Variants in SLC25A3 observed in about 807,000 individuals in gnomAD.
The protein encoded by SLC25A3 is phosphate transport protein.
SLC25A3 carries 14 observed loss-of-function variants against 37.1 expected under a neutral mutation model. The observed-to-expected ratio is 0.38, with a 90% confidence interval of 0.25 to 0.59. The LOEUF is 0.59. Among genes scored for constraint, SLC25A3 ranks in the 20% least tolerant of loss-of-function variants. The probability of loss-of-function intolerance (pLI) is 0.67; values close to 1 mark genes in which losing one functional copy is unlikely to be tolerated. For missense variants in SLC25A3, 385 were observed against 458.1 expected, an observed-to-expected ratio of 0.84 and a Z score of 1.46; for synonymous variants, 161 against 168.7, an observed-to-expected ratio of 0.95 and a Z score of 0.36.
At chr12:98,597,569 G>A (rs2097594030) in intron 3 of SLC25A3, 4 of 370,836 alleles carry the variant, frequency 1.1e-5, no homozygotes, top group Non-Finnish European at 1.5e-5. Context: ...GATTACAGGT[G>A]CACGCCACCA....
chr12:98,597,609 A>C (rs2097594074), intron 3 of SLC25A3: 2 of 445,732 alleles, frequency 4.5e-6, no homozygotes, highest in African/African-American at 4.0e-5. Flanking sequence ...ATTTTAGTAG[A>C]GATGGGGTTT....
In SLC25A3 at chr12:98,594,396, G is replaced by A. The variant is rs765387998; in HGVS notation, c.157+261G>A. The A allele has an allele frequency of 3.6e-5, 25 of 698,614 alleles. 1 individual carries two copies. The highest frequency in any genetic ancestry group is 3.6e-4 in the South Asian group (24 of 67,500). 43.3% of individuals were successfully genotyped at this position (698,614 alleles called of 1,614,324 possible). The stretch of plus-strand genomic sequence containing the variant: ...CCGTGTGCCCGAGGGAAGAGAGGCC[G>A]TGACTAGCTCTTTCTCCGCCGTGAG... On this transcript the variant is annotated intron_variant, in intron 2 of 7. Transcript: ENST00000552981.
rs2097590664 is a variant in SLC25A3, at chr12:98,593,977, A to G, written c.-2A>G. On this transcript the variant is annotated splice_region_variant and 5_prime_UTR_variant, in exon 2 of 8. Coordinates refer to ENST00000552981, the MANE Select transcript of SLC25A3 (RefSeq NM_002635.4). ...ACCGTCGCTCCCTCCTCCCCTAGAA[A>G]GATGTTCTCGTCCGTGGCGCACCTG... 3 of 1,613,870 alleles carry G rather than the reference A, an allele frequency of 1.9e-6. No homozygotes were observed. Among genetic ancestry groups the G allele is most frequent in the Non-Finnish European group, 1.7e-6 (2 of 1,179,890 alleles).
chr12:98,601,267 G>C lies in SLC25A3; in HGVS notation c.911G>C (p.Arg304Thr). 1 of 1,614,098 alleles carries C rather than the reference G, an allele frequency of 6.2e-7. No homozygotes were observed. Among genetic ancestry groups the C allele is most frequent in the Non-Finnish European group, 8.5e-7 (1 of 1,179,998 alleles). Residue 304 changes from arginine (R) to threonine (T), a missense_variant, in exon 7 of 8, where the codon AGA becomes ACA. Around this residue, in one of 2 missense-constraint regions of SLC25A3, gnomAD observed 276 missense variants for 367.6 expected, o/e 0.75. Coordinates refer to ENST00000552981, the MANE Select transcript of SLC25A3 (RefSeq NM_002635.4). ...AGCAGTGCTTCTCTGGTCCTCAAGA[G>C]ACTTGGATTTAAAGGTAGGATGATG... ...KGSSASLVLKRLGFKGVWKGL... is the reference protein window; with the variant it reads ...KGSSASLVLKTLGFKGVWKGL...
intron 5 of SLC25A3, 97 bp downstream of exon 5, chr12:98,598,800 A>G (rs1322559099): frequency 2.5e-6 from 3 of 1,185,950 alleles, no homozygotes; most frequent in Non-Finnish European, 3.6e-6. Context: ...TTTTGAGACA[A>G]AGTCTCGCTC....
intron 5 of SLC25A3, 99 bp from the exon 6 acceptor site, chr12:98,599,856 A>G: frequency 6.4e-6 from 8 of 1,244,382 alleles, no homozygotes; most frequent in Non-Finnish European, 9.5e-6. Context: ...ATTTGTTACT[A>G]TCAGGACTCG....
In SLC25A3 at chr12:98,605,910, G is replaced by A. The variant is rs1194463662; in HGVS notation, c.*4382G>A. 1 of 151,950 alleles carries A rather than the reference G, an allele frequency of 6.6e-6. No individual in the cohort carries two copies. The highest frequency in any genetic ancestry group is 1.9e-4 in the East Asian group (1 of 5,160). 9.4% of individuals were successfully genotyped at this position (151,950 alleles called of 1,614,324 possible). A position where few individuals can be genotyped will look rare whatever the true frequency, so the allele number is the denominator to read the frequency against. ...CAGGCTGGGTATCACTTGAGCCCAG[G>A]AGTTGGAGACCAGCCTGGGCAACAA... On this transcript the variant is annotated 3_prime_UTR_variant, in exon 8 of 8. Transcript: ENST00000552981.
chr12:98,600,963 G>C, intron 6 of SLC25A3: 1 of 509,464 alleles, frequency 2.0e-6, no homozygotes, highest in Admixed American at 3.4e-5. Flanking sequence ...ATTTTATACA[G>C]AAAGTGTTGA....
At chr12:98,593,904 G>C (rs2097590574) in intron 1 of SLC25A3, 71 bp from the exon 2 acceptor site, 2 of 1,576,662 alleles carry the variant, frequency 1.3e-6, no homozygotes, top group Admixed American at 1.7e-5. Flanking sequence ...GCCCCGGTTG[G>C]GGTTCCAGGG....
At chr12:98,599,353 G>A (rs1433200572) in intron 5 of SLC25A3, among the ~76,000 whole-genome samples, 1 of 152,192 alleles carries the variant, frequency 6.6e-6, no homozygotes, top group East Asian at 1.9e-4. Flanking sequence ...GCGTCTGGCT[G>A]TGAACTTCAT....
At position 98,599,629 on chromosome 12, in the gene SLC25A3, G is replaced by C. The variant is rs1267752518; in HGVS notation, c.642-326G>C. ...TCTATTCACAGTTAAGAATTTCCAT[G>C]ACCACAACATGCTTCCTTAGATCCA... On this transcript the variant is annotated intron_variant, in intron 5 of 7. Transcript: ENST00000552981. 1.1e-4 allele frequency: 62 copies of C among 544,488 alleles called. 1 individual carries two copies. The Admixed American group carries it at 1.2e-3, about 10-fold the overall frequency. 33.7% of individuals were successfully genotyped at this position (544,488 alleles called of 1,614,324 possible).
At chr12:98,595,230 A>T in intron 2 of SLC25A3, 1 of 591,874 alleles carries the variant, frequency 1.7e-6, no homozygotes, top group South Asian at 2.0e-5. Context: ...AATACGAGCT[A>T]TTAATAGTAT....
chr12:98,598,198 TA>T, intron 4 of SLC25A3, 163 bp downstream of exon 4: 1 of 706,648 alleles, frequency 1.4e-6, no homozygotes, highest in Middle Eastern at 3.7e-4. Context: ...GACAGGTTGA[TA>T]AATGTATTTC....
chr12:98,601,093 A>G (rs1372831459), intron 6 of SLC25A3, 78 bp from the exon 7 acceptor site: 3 of 1,496,098 alleles, frequency 2.0e-6, no homozygotes, highest in East Asian at 2.5e-5. Flanking sequence ...TATTATTTTA[A>G]AATCATAAAA....
In SLC25A3 at chr12:98,603,054, GGTAAA is replaced by G. The variant is rs1230331931; in HGVS notation, c.*1530_*1534del. 4.6e-5 allele frequency: 7 copies of G among 152,198 alleles called. No homozygotes were observed. The highest frequency in any genetic ancestry group is 8.8e-5 in the Non-Finnish European group (6 of 68,028). 9.4% of individuals were successfully genotyped at this position (152,198 alleles called of 1,614,324 possible). On this transcript the variant is annotated 3_prime_UTR_variant, in exon 8 of 8. Coordinates refer to ENST00000552981, the MANE Select transcript of SLC25A3 (RefSeq NM_002635.4). ...ACAAATTTGGACCAAACTTTAAAAA[GGTAAA>G]GTAGGATGTCTTCTGAACCCAACCA...
Position 98,604,908 on chromosome 12 carries a change from T to A in SLC25A3, c.*3380T>A, listed in dbSNP as rs973784457. On this transcript the variant is annotated 3_prime_UTR_variant, in exon 8 of 8. Transcript: ENST00000552981. The stretch of plus-strand genomic sequence containing the variant: ...TCTTGAATAACTGGGACTGCAAGTG[T>A]GGACCACCATGTCTGGCTAATGTTT... 1 of 152,542 alleles carries A rather than the reference T, an allele frequency of 6.6e-6. No individual in the cohort carries two copies. Among genetic ancestry groups the A allele is most frequent in the African/African-American group, 2.4e-5 (1 of 41,448 alleles). The allele number at this position is 152,542 out of a possible 1,614,324, so 9.4% of individuals were successfully genotyped here.
Position 98,594,001 on chromosome 12 carries a change from T to G in SLC25A3, c.23T>G (p.Leu8Arg). The G allele has an allele frequency of 6.2e-7, 1 of 1,613,848 alleles. No individual in the cohort carries two copies. Residue 8 changes from leucine (L) to arginine (R), a missense_variant, in exon 2 of 8, where the codon CTG becomes CGG. Physicochemically the swap from Leu to Arg is moderately radical, Grantham distance 102 (BLOSUM62 -2). Around this residue, in one of 2 missense-constraint regions of SLC25A3, gnomAD observed 109 missense variants for 90.5 expected, o/e 1.20. Transcript: ENST00000552981. ...AAGATGTTCTCGTCCGTGGCGCACC[T>G]GGCGCGGGCGAACCCCTTCAACACG... MFSSVAH[L>R]ARANPFNTPH...
Position 98,593,740 on chromosome 12 carries a change from A to G in SLC25A3, c.-5A>G. ...TGGTTGTGTGATCGCCATCTTAGGG[A>G]GTGAGTGTGGCCGGGCCTTCTCCTG... is the stretch of plus-strand genomic sequence containing the variant. On this transcript the variant is annotated splice_region_variant and 5_prime_UTR_variant, in exon 1 of 8. Coordinates refer to ENST00000552981, the MANE Select transcript of SLC25A3 (RefSeq NM_002635.4). 1 of 596,412 alleles carries G rather than the reference A, an allele frequency of 1.7e-6. No individual in the cohort carries two copies. Among genetic ancestry groups the G allele is most frequent in the East Asian group, 2.8e-5 (1 of 35,444 alleles). 36.9% of individuals were successfully genotyped at this position (596,412 alleles called of 1,614,324 possible). A position where few individuals can be genotyped will look rare whatever the true frequency, so the allele number is the denominator to read the frequency against.
chr12:98,601,316 A>G, intron 7 of SLC25A3, 35 bp downstream of exon 7: 4 of 1,614,134 alleles, frequency 2.5e-6, no homozygotes, highest in Non-Finnish European at 8.5e-7. Flanking sequence ...AGAAAGAACA[A>G]CAGTTTTGGA....
Sources: gnomAD v4.1 joint callset for allele counts (sites outside exome capture counted in the v4.1 genomes callset) on GRCh38, gnomAD v4.1.1 for gene constraint, gnomAD v4.1.1 regional missense constraint, MANE v1.5 for transcripts, NCBI Gene and HGNC (gene_info 2026-07-23, HGNC 2026-07-21) for gene names.